Variants in SPAG9 observed in about 807,000 individuals in gnomAD.
The protein encoded by SPAG9 is sperm associated antigen 9.
SPAG9 carries 35 observed loss-of-function variants against 166.5 expected under a neutral mutation model. The observed-to-expected ratio is 0.21, with a 90% CI of 0.16 to 0.28. The LOEUF is 0.28. SPAG9 is among the 10% of genes least tolerant of loss of function. The pLI is 1.00. For synonymous variants in SPAG9, 534 were observed against 565.5 expected (o/e 0.94, Z 0.79); for missense variants, 1,235 against 1,603.3 (o/e 0.77, Z 3.92).
chr17:51,118,513 G>T (rs1194129113), intron 1 of SPAG9, among the ~76,000 whole-genome samples: 1 of 152,254 alleles, frequency 6.6e-6, no homozygotes, highest in East Asian at 1.9e-4. Context: ...TTTATTTTAC[G>T]TGAGGTAAAA....
At chr17:51,077,496 G>C (rs2048050704) in intron 2 of SPAG9, among the ~76,000 whole-genome samples, 1 of 151,890 alleles carries the variant, frequency 6.6e-6, no homozygotes, top group African/African-American at 2.4e-5. Flanking sequence ...TTTCTTTCTT[G>C]AACAGAAAAG....
chr17:50,993,733 G>A (rs1204742286), intron 19 of SPAG9, 31 bp downstream of exon 19: 4 of 1,607,126 alleles, frequency 2.5e-6, no homozygotes, highest in Non-Finnish European at 3.4e-6. Context: ...GGATGGAGGG[G>A]AGGGCAGAGA....
intron 1 of SPAG9, among the ~76,000 whole-genome samples, chr17:51,089,332 G>C (rs1302507381): frequency 2.0e-5 from 3 of 151,708 alleles, no homozygotes; most frequent in African/African-American, 7.3e-5. Context: ...GCTGAGGCAG[G>C]AGAATCACTT....
Position 50,966,281 on chromosome 17 carries a change from G to A in SPAG9, c.3957C>T (p.Gly1319=), listed in dbSNP as rs148354979. Residue 1319 remains glycine (G), a synonymous_variant, in exon 30 of 30, where the codon GGC becomes GGT. Transcript: ENST00000262013. ...SHLIVWQVMY[G]NE The stretch of plus-strand genomic sequence containing the variant: ...CCTGTTTCCCATGGGCTCACTCATT[G>A]CCATACATCACTTGCCACACTATCA... 8.6e-4 allele frequency: 1,378 copies of A among 1,605,628 alleles called. 1 individual carries two copies. Among genetic ancestry groups the A allele is most frequent in the Non-Finnish European group, 9.5e-4 (1,116 of 1,172,480 alleles).
In SPAG9 at chr17:50,970,940, T is replaced by G. The variant is rs1973746765; in HGVS notation, c.3701-84A>C. 3 of 1,190,208 alleles carry G rather than the reference T, an allele frequency of 2.5e-6. 1 individual carries two copies. In the South Asian group the frequency reaches 4.2e-5, roughly 17 times the overall value. 73.7% of individuals were successfully genotyped at this position (1,190,208 alleles called of 1,614,324 possible). The stretch of plus-strand genomic sequence containing the variant: ...TTTTTTTTTTTAAGTATTTTTAGAG[T>G]TAAACAAAAAGGTAAATATATTCTA... On this transcript the variant is annotated intron_variant, in intron 28 of 29. Transcript: ENST00000262013.
chr17:50,980,715 T>C (rs1974532241), intron 25 of SPAG9, among the ~76,000 whole-genome samples: 1 of 151,892 alleles, frequency 6.6e-6, no homozygotes, highest in Non-Finnish European at 1.5e-5. Context: ...ATACAAAAAT[T>C]AGCTGGGAAT....
At chr17:51,005,953 G>T in intron 11 of SPAG9, 132 bp downstream of exon 11, 1 of 905,500 alleles carries the variant, frequency 1.1e-6, no homozygotes, top group Non-Finnish European at 1.7e-6. Context: ...GGGGCACTTT[G>T]CCCTCTCCCA....
intron 28 of SPAG9, among the ~76,000 whole-genome samples, chr17:50,971,112 G>C (rs867724241): frequency 3.0e-4 from 46 of 152,100 alleles, no homozygotes; most frequent in Middle Eastern, 3.4e-3. Flanking sequence ...CAGGAGATTG[G>C]GACCAGCCTG....
In SPAG9 at chr17:50,963,168, A is replaced by C. The variant is rs1213773264; in HGVS notation, c.*3104T>G. ...CTTGCACATGACTCAAGTGTAAAAA[A>C]AGGAGAAACCTTCAAGTATTCCTTA... On this transcript the variant is annotated 3_prime_UTR_variant, in exon 30 of 30. Transcript: ENST00000262013. 1 of 152,210 alleles carries C rather than the reference A, an allele frequency of 6.6e-6. No individual in the cohort carries two copies. The highest frequency in any genetic ancestry group is 2.4e-5 in the African/African-American group (1 of 41,444). 9.4% of individuals were successfully genotyped at this position (152,210 alleles called of 1,614,324 possible).
intron 1 of SPAG9, among the ~76,000 whole-genome samples, chr17:51,098,650 G>A (rs982647754): frequency 3.9e-5 from 6 of 151,928 alleles, no homozygotes; most frequent in Non-Finnish European, 8.8e-5. Flanking sequence ...CTGCCACCAC[G>A]CCAGACTAAT....
At chr17:51,075,236 A>G (rs999640759) in intron 2 of SPAG9, among the ~76,000 whole-genome samples, 8 of 151,096 alleles carry the variant, frequency 5.3e-5, no homozygotes, top group Admixed American at 4.0e-4. Flanking sequence ...AAGAAGAAGA[A>G]AAGAAACCAC....
intron 15 of SPAG9, 82 bp downstream of exon 15, chr17:50,998,362 C>T (rs1278423665): frequency 7.8e-7 from 1 of 1,279,444 alleles, no homozygotes; most frequent in Non-Finnish European, 1.1e-6. Flanking sequence ...TTACCTGAAT[C>T]CTTAGAGCTG....
chr17:51,038,551 T>C (rs533849728), intron 5 of SPAG9, among the ~76,000 whole-genome samples: 53 of 152,320 alleles, frequency 3.5e-4, no homozygotes, highest in African/African-American at 1.3e-3. Flanking sequence ...ACAGAAGGCA[T>C]GTTGGTGCAG....
At chr17:51,024,446 C>T (rs1444725880) in intron 6 of SPAG9, among the ~76,000 whole-genome samples, 1 of 151,944 alleles carries the variant, frequency 6.6e-6, no homozygotes, top group Non-Finnish European at 1.5e-5. Context: ...AATACTTTGG[C>T]CAAGCGTGGT....
rs2143527265 is a variant in SPAG9 at position 50,966,373 on chromosome 17, C to T, written c.3865G>A (p.Glu1289Lys). The change falls in exon 30 of 30, where the codon GAA becomes AAA. Residue 1289 changes from glutamate (E) to lysine (K), a missense_variant. By Grantham distance (56) the Glu-to-Lys change is moderately conservative. Transcript: ENST00000262013. ...AGATCCTCTCCAAGAAGTTCTGATTCTCCACCTTCATCACCTAGTGAATGA... is the reference window on the plus strand; with the variant it reads ...AGATCCTCTCCAAGAAGTTCTGATTTTCCACCTTCATCACCTAGTGAATGA... ...IDFRMGDEGG[E>K]SELLGEDLPL... The T allele has an allele frequency of 6.2e-7, 1 of 1,608,764 alleles. No individual in the cohort carries two copies. The highest frequency in any genetic ancestry group is 1.7e-4 in the Middle Eastern group (1 of 6,056).
intron 29 of SPAG9, among the ~76,000 whole-genome samples, chr17:50,967,188 G>C (rs972539850): frequency 3.3e-5 from 5 of 152,182 alleles, no homozygotes; most frequent in Admixed American, 2.0e-4. Context: ...TGCATCAATT[G>C]TATCTGTTGT....
intron 1 of SPAG9, among the ~76,000 whole-genome samples, chr17:51,101,641 G>A (rs2048811468): frequency 6.6e-6 from 1 of 151,854 alleles, no homozygotes; most frequent in African/African-American, 2.4e-5. Context: ...GGACAGGGGA[G>A]GGATGGAGTT....
At chr17:51,083,016 G>C (rs967452991) in intron 1 of SPAG9, among the ~76,000 whole-genome samples, 1 of 152,148 alleles carries the variant, frequency 6.6e-6, no homozygotes, top group African/African-American at 2.4e-5. Flanking sequence ...GGCCTAGGCT[G>C]CAGACTGACA....
intron 24 of SPAG9, 73 bp downstream of exon 24, chr17:50,984,850 T>C (rs977132607): frequency 8.6e-7 from 1 of 1,164,254 alleles, no homozygotes; most frequent in South Asian, 1.2e-5. Context: ...CTTTAAAACA[T>C]AAACCAATCT....
Sources: gnomAD v4.1 joint callset for allele counts (sites outside exome capture counted in the v4.1 genomes callset) on GRCh38, gnomAD v4.1.1 for gene constraint, MANE v1.5 for transcripts, NCBI Gene and HGNC (gene_info 2026-07-23, HGNC 2026-07-21) for gene names.